Variants in DHCR24 observed in about 807,000 individuals in gnomAD.
The protein encoded by DHCR24 is 24-dehydrocholesterol reductase.
In DHCR24, 28 loss-of-function variants were observed where a neutral mutation model predicts 61.2. The ratio of observed to expected loss-of-function variants is 0.46; its 90% CI spans 0.34 to 0.63. DHCR24 has a LOEUF of 0.63. Among genes scored for constraint, DHCR24 ranks in the 20% least tolerant of loss-of-function variants. The pLI, the probability that DHCR24 is intolerant of heterozygous loss-of-function variation, is 0.01. For missense variants in DHCR24, 538 were observed against 679.1 expected (o/e 0.79, Z 2.31); for synonymous variants, 261 against 275.9 (o/e 0.95, Z 0.54).
chr1:54,876,036 C>T lies in DHCR24; in HGVS notation c.399G>A (p.Val133=). 1.2e-6 allele frequency: 2 copies of T among 1,613,788 alleles called. No homozygotes were observed. Among genetic ancestry groups the T allele is most frequent in the Non-Finnish European group, 1.7e-6 (2 of 1,179,744 alleles). The part of the protein sequence containing the change: ...EVDTKKQIVR[V]EPLVTMGQVT... ...CCTGGCCCATGGTCACCAAGGGCTC[C>T]ACACGGACAATCTGTTGACACAAGA... Residue 133 remains valine (V), a synonymous_variant, in exon 3 of 9, where the codon GTG becomes GTA. Transcript: ENST00000371269.
At chr1:54,857,690 GA>G (rs1391719124) in intron 6 of DHCR24, among the ~76,000 whole-genome samples, 1 of 152,200 alleles carries the variant, frequency 6.6e-6, no homozygotes, top group African/African-American at 2.4e-5. Context: ...TCTTCACTTA[GA>G]ATGGCATTAA....
At chr1:54,869,932 G>A (rs1398470068) in intron 5 of DHCR24, among the ~76,000 whole-genome samples, 35 of 151,948 alleles carry the variant, frequency 2.3e-4, no homozygotes, top group Admixed American at 2.2e-3. Context: ...GTGCATGCCT[G>A]TAATCCCAGC....
chr1:54,886,776 C>T lies in DHCR24; in HGVS notation c.231+113G>A, dbSNP rs993279280. The stretch of plus-strand genomic sequence containing the variant: ...TCTCCAACGCCAGCTCCCCACCCCC[C>T]CAGGAAGTCCTGGCCGCCCCCGCAC... On this transcript the variant is annotated intron_variant, in intron 1 of 8. Transcript: ENST00000371269. 36 of 1,519,776 alleles carry T rather than the reference C, an allele frequency of 2.4e-5. No homozygotes were observed. In the South Asian group the frequency reaches 2.7e-4, roughly 11 times the overall value. The allele number at this position is 1,519,776 out of a possible 1,614,324, so 94.1% of individuals were successfully genotyped here. A position where few individuals can be genotyped will look rare whatever the true frequency, so the allele number is the denominator to read the frequency against.
At chr1:54,867,880 G>A (rs1022743073) in intron 5 of DHCR24, among the ~76,000 whole-genome samples, 1 of 152,168 alleles carries the variant, frequency 6.6e-6, no homozygotes, top group South Asian at 2.1e-4. Context: ...AGCACTTACC[G>A]CAGTGTCCCA....
intron 6 of DHCR24, 99 bp downstream of exon 6, chr1:54,865,204 T>G: frequency 6.8e-7 from 1 of 1,476,446 alleles, no homozygotes; most frequent in Non-Finnish European, 9.2e-7. Context: ...AAAGCCACTC[T>G]TTACCCTGAA....
intron 2 of DHCR24, among the ~76,000 whole-genome samples, chr1:54,882,544 T>C (rs1647069052): frequency 6.6e-6 from 1 of 152,250 alleles, no homozygotes; most frequent in African/African-American, 2.4e-5. Flanking sequence ...TGTTCACAAA[T>C]GTTCCATTTT....
chr1:54,873,608 T>C (rs1292271085), intron 4 of DHCR24, among the ~76,000 whole-genome samples: 2 of 152,228 alleles, frequency 1.3e-5, no homozygotes, highest in Admixed American at 1.3e-4. Context: ...GCGTTATTGA[T>C]AATCTTGACT....
intron 5 of DHCR24, 50 bp from the exon 6 acceptor site, chr1:54,865,496 C>A: frequency 6.2e-7 from 1 of 1,611,582 alleles, no homozygotes. Context: ...GCGCCCAGCA[C>A]CATCGGGGTG....
intron 7 of DHCR24, 71 bp from the exon 8 acceptor site, chr1:54,853,683 C>T (rs1646890891): frequency 1.1e-5 from 17 of 1,501,084 alleles, no homozygotes; most frequent in Admixed American, 1.9e-5. Context: ...CTGGCCCGCT[C>T]ATACCCACCC....
intron 6 of DHCR24, among the ~76,000 whole-genome samples, chr1:54,860,977 G>A (rs917136294): frequency 1.4e-5 from 2 of 139,496 alleles, no homozygotes; most frequent in Non-Finnish European, 3.1e-5. Flanking sequence ...GACAGAGCGA[G>A]ACTTCATCTC....
chr1:54,879,322 G>GAAAAAA (rs58945175), intron 2 of DHCR24, among the ~76,000 whole-genome samples: 10 of 108,532 alleles, frequency 9.2e-5, no homozygotes, highest in Admixed American at 2.2e-4. Flanking sequence ...GACTCCATCT[G>GAAAAAA]AAAAAAAAAA....
chr1:54,876,559 C>G (rs567892835), intron 2 of DHCR24, among the ~76,000 whole-genome samples: 1 of 151,978 alleles, frequency 6.6e-6, no homozygotes, highest in African/African-American at 2.4e-5. Flanking sequence ...GAGGCTGAGG[C>G]AGGAGAATCA....
At chr1:54,858,265 G>A (rs1482526464) in intron 6 of DHCR24, among the ~76,000 whole-genome samples, 2 of 152,234 alleles carry the variant, frequency 1.3e-5, no homozygotes, top group African/African-American at 4.8e-5. Flanking sequence ...ACAATGACTG[G>A]TTGATGGGGC....
intron 2 of DHCR24, among the ~76,000 whole-genome samples, chr1:54,878,608 G>A (rs536752869): frequency 6.7e-6 from 1 of 149,690 alleles, no homozygotes; most frequent in South Asian, 2.1e-4. Flanking sequence ...CCACAAGCCA[G>A]ACTAGAAAAC....
intron 2 of DHCR24, among the ~76,000 whole-genome samples, chr1:54,882,999 GAGATTAAGT>G (rs2101578300): frequency 6.6e-6 from 1 of 152,150 alleles, no homozygotes; most frequent in Admixed American, 6.5e-5. Flanking sequence ...ATGGCACAGA[GAGATTAAGT>G]AACTTGGCCA....
At chr1:54,871,979 G>C (rs1647002734) in intron 4 of DHCR24, among the ~76,000 whole-genome samples, 1 of 152,148 alleles carries the variant, frequency 6.6e-6, no homozygotes, top group African/African-American at 2.4e-5. Flanking sequence ...GCCAGGCCTT[G>C]ACACCCTTTA....
chr1:54,860,185 G>A (rs1463866271), intron 6 of DHCR24, among the ~76,000 whole-genome samples: 1 of 152,182 alleles, frequency 6.6e-6, no homozygotes, highest in Non-Finnish European at 1.5e-5. Context: ...ATTCCGTCAT[G>A]CCTTACATTC....
intron 1 of DHCR24, among the ~76,000 whole-genome samples, chr1:54,884,229 G>A (rs944600408): frequency 2.0e-5 from 3 of 152,158 alleles, no homozygotes; most frequent in African/African-American, 7.2e-5. Context: ...AAAATAACTT[G>A]TCCAAAGTCA....
At chr1:54,868,197 G>A (rs910051824) in intron 5 of DHCR24, among the ~76,000 whole-genome samples, 4 of 152,184 alleles carry the variant, frequency 2.6e-5, no homozygotes, top group Non-Finnish European at 2.9e-5. Context: ...TTGGCCGGGC[G>A]CAGTGGCTCA....
Sources: allele counts gnomAD v4.1 joint callset (sites outside exome capture counted in the v4.1 genomes callset), GRCh38; gene constraint gnomAD v4.1.1; transcripts MANE v1.5; gene names NCBI Gene and HGNC (gene_info 2026-07-23, HGNC 2026-07-21).